Variants in COL5A2 observed in about 807,000 individuals in gnomAD.
COL5A2 encodes the protein collagen type V alpha 2 chain.
A neutral mutation model predicts 208.2 loss-of-function variants in COL5A2; 23 were observed. The observed-to-expected ratio is 0.11, with a 90% CI of 0.08 to 0.16. The LOEUF (loss-of-function observed/expected upper bound fraction) is 0.16, where lower values mean the gene tolerates loss of function less well. Ranked by LOEUF, COL5A2 falls within the 10% of genes least tolerant of loss-of-function variation. The pLI is 1.00. For missense variants in COL5A2, 1,590 were observed against 1,956.4 expected (o/e 0.81, Z 3.53); for synonymous variants, 625 against 628.5 (o/e 0.99, Z 0.08).
At chr2:189,396,587 T>C in the COL5A2 span, among the ~76,000 whole-genome samples, 2 of 147,144 alleles carry the variant, frequency 1.4e-5, no homozygotes, top group Non-Finnish European at 3.0e-5. Context: ...GGCAGGAGAA[T>C]GGCGTGAACC....
At chr2:189,100,513 T>C (rs1283143565) in intron 3 of COL5A2, among the ~76,000 whole-genome samples, 6 of 151,812 alleles carry the variant, frequency 4.0e-5, no homozygotes, top group African/African-American at 1.2e-4. Flanking sequence ...AGCCAGAAAT[T>C]GTAATACATA....
chr2:189,160,896 T>C (rs971613424), intron 1 of COL5A2, among the ~76,000 whole-genome samples: 7 of 146,072 alleles, frequency 4.8e-5, no homozygotes, highest in Admixed American at 1.4e-4. Flanking sequence ...AATGGCGCGA[T>C]CTCAGCTTGC....
At chr2:189,364,010 A>G in the COL5A2 span, among the ~76,000 whole-genome samples, 25 of 152,242 alleles carry the variant, frequency 1.6e-4, no homozygotes, top group African/African-American at 6.0e-4. Context: ...ACCAGAAATT[A>G]GTCTAAGGAA....
intron 12 of COL5A2, among the ~76,000 whole-genome samples, chr2:189,083,675 A>G (rs1364889051): frequency 3.8e-5 from 4 of 106,182 alleles, no homozygotes; most frequent in African/African-American, 1.4e-4. Flanking sequence ...TCATTTTATG[A>G]AAAAAAAAAA....
the COL5A2 span, among the ~76,000 whole-genome samples, chr2:189,306,761 A>G: frequency 6.6e-6 from 1 of 152,254 alleles, no homozygotes; most frequent in East Asian, 1.9e-4. Flanking sequence ...GATCTCTAGA[A>G]TAATTCCGCT....
chr2:189,151,621 T>C (rs1379523276), intron 1 of COL5A2, among the ~76,000 whole-genome samples: 3 of 152,138 alleles, frequency 2.0e-5, no homozygotes, highest in Admixed American at 6.5e-5. Context: ...GTTGCCAAGG[T>C]GTGTTTAAAA....
At chr2:189,209,651 A>T (rs565531993) in intron 1 of COL5A2, among the ~76,000 whole-genome samples, 3 of 152,344 alleles carry the variant, frequency 2.0e-5, no homozygotes, top group African/African-American at 7.2e-5. Flanking sequence ...ACTTCTGAGA[A>T]AGAAGCAACA....
At position 189,113,395 on chromosome 2, in the gene COL5A2, T is replaced by C. The variant is rs571933045; in HGVS notation, c.98-2946A>G. ...GTGAGCTATGGGAACGCTATGCTAC[T>C]GCACTCCATCTTGAGCAACAGAGTG... On this transcript the variant is annotated intron_variant, in intron 1 of 53. Transcript: ENST00000374866. Among the ~76,000 whole-genome samples, 30 of 152,216 alleles carry C rather than the reference T, an allele frequency of 2.0e-4. No homozygotes were observed. In the East Asian group the frequency reaches 5.8e-3, roughly 29 times the overall value.
the COL5A2 span, among the ~76,000 whole-genome samples, chr2:189,276,246 G>C: frequency 4.6e-5 from 7 of 152,274 alleles, no homozygotes; most frequent in South Asian, 1.4e-3. Context: ...CATCAACCAA[G>C]TTCTACATTT....
chr2:189,267,508 T>C, the COL5A2 span, among the ~76,000 whole-genome samples: 4 of 151,776 alleles, frequency 2.6e-5, no homozygotes, highest in Non-Finnish European at 5.9e-5. Context: ...AAGAAGAAAA[T>C]AGGAGCAATA....
chr2:189,389,848 A>C, the COL5A2 span, among the ~76,000 whole-genome samples: 10 of 152,342 alleles, frequency 6.6e-5, no homozygotes, highest in East Asian at 1.9e-3. Context: ...ACCTTCTAGC[A>C]TTAAGGAGTC....
chr2:189,185,788 G>A (rs191772865), intron 1 of COL5A2, among the ~76,000 whole-genome samples: 1 of 152,286 alleles, frequency 6.6e-6, no homozygotes, highest in East Asian at 1.9e-4. Context: ...TACATTGTTT[G>A]ATAAGGAATC....
At chr2:189,061,282 A>G (rs1032666417) in intron 30 of COL5A2, among the ~76,000 whole-genome samples, 1 of 152,202 alleles carries the variant, frequency 6.6e-6, no homozygotes, top group Non-Finnish European at 1.5e-5. Flanking sequence ...TTGTTGAGCT[A>G]TCAGAAACAT....
At chr2:189,277,072 C>T in the COL5A2 span, among the ~76,000 whole-genome samples, 2 of 152,076 alleles carry the variant, frequency 1.3e-5, no homozygotes, top group East Asian at 3.9e-4. Flanking sequence ...TATTTTGCCA[C>T]TCCAACTCTA....
intron 1 of COL5A2, among the ~76,000 whole-genome samples, chr2:189,163,503 T>C (rs1017919940): frequency 4.6e-5 from 7 of 152,238 alleles, no homozygotes; most frequent in Non-Finnish European, 8.8e-5. Flanking sequence ...CTAGGAACTT[T>C]ATTGTAGAGT....
At chr2:189,295,689 G>A in the COL5A2 span, among the ~76,000 whole-genome samples, 1 of 152,266 alleles carries the variant, frequency 6.6e-6, no homozygotes, top group South Asian at 2.1e-4. Flanking sequence ...TTAGCCACGC[G>A]GATGTATACA....
chr2:189,359,110 G>A, the COL5A2 span, among the ~76,000 whole-genome samples: 1 of 152,050 alleles, frequency 6.6e-6, no homozygotes, highest in African/African-American at 2.4e-5. Context: ...ATTATGATGA[G>A]TAGAAGTGAC....
intron 16 of COL5A2, among the ~76,000 whole-genome samples, chr2:189,077,379 T>C (rs923965858): frequency 6.6e-6 from 1 of 152,180 alleles, no homozygotes. Flanking sequence ...AAAAACAGAA[T>C]ACAAAGTTGG....
rs754826484 is a variant in COL5A2 at position 189,065,014 on chromosome 2, G to C, written c.1607C>G (p.Pro536Arg). 6.2e-7 allele frequency: 1 copy of C among 1,613,720 alleles called. No homozygotes were observed. Among genetic ancestry groups the C allele is most frequent in the Admixed American group, 1.7e-5 (1 of 59,944 alleles). ...NRGFPGSDGL[P>R]GPKGAQGERG... ...ACAGGGCAACCTCACCTTTGGCCCA[G>C]GTAAACCATCAGAGCCTGGAAAACC... is the stretch of plus-strand genomic sequence containing the variant. Residue 536 changes from proline to arginine, a missense_variant, in exon 24 of 54, where the codon CCT becomes CGT. Transcript: ENST00000374866.
Sources: allele counts gnomAD v4.1 joint callset (sites outside exome capture counted in the v4.1 genomes callset), GRCh38; gene constraint gnomAD v4.1.1; transcripts MANE v1.5; gene names NCBI Gene and HGNC (gene_info 2026-07-23, HGNC 2026-07-21).